ZC3H12B: variants seen among roughly 807,000 people sequenced by gnomAD.
The protein encoded by ZC3H12B is zinc finger CCCH-type containing 12B.
ZC3H12B carries 7 observed loss-of-function variants against 43.9 expected under a neutral mutation model. The ratio of observed to expected loss-of-function variants is 0.16; its 90% CI spans 0.09 to 0.30. ZC3H12B has a LOEUF of 0.30. Among genes scored for constraint, ZC3H12B ranks in the 10% least tolerant of loss-of-function variants. The pLI, the probability that ZC3H12B is intolerant of heterozygous loss-of-function variation, is 1.00. For missense variants in ZC3H12B, 475 were observed against 670.2 expected (o/e 0.71, Z 3.22); for synonymous variants, 222 against 241.7 (o/e 0.92, Z 0.76).
the ZC3H12B span, among the ~76,000 whole-genome samples, chrX:65,349,178 A>T: frequency 5.3e-5 from 6 of 112,154 alleles, no homozygotes; most frequent in African/African-American, 1.9e-4. Context: ...CTCAGACCAC[A>T]GTGCAGTCAA....
the ZC3H12B span, among the ~76,000 whole-genome samples, chrX:65,242,197 C>T: frequency 2.7e-5 from 3 of 110,863 alleles, no homozygotes; most frequent in Admixed American, 9.6e-5. Context: ...ACCTAGTCAC[C>T]AGGTCCAAAT....
chrX:65,113,985 G>GTATATATATATATATATA, the ZC3H12B span, among the ~76,000 whole-genome samples: 136 of 47,439 alleles, frequency 2.9e-3, 12 homozygotes, highest in South Asian at 8.4e-3. Flanking sequence ...AGATATGCTT[G>GTATATATATATATATATA]TATATATATA....
chrX:65,193,879 A>C, the ZC3H12B span, among the ~76,000 whole-genome samples: 1 of 111,551 alleles, frequency 9.0e-6, no homozygotes, highest in Admixed American at 9.6e-5. Context: ...AAGAAGTTTA[A>C]TTGGCTCATG....
chrX:65,192,166 T>C, the ZC3H12B span, among the ~76,000 whole-genome samples: 29 of 109,377 alleles, frequency 2.7e-4, no homozygotes, highest in South Asian at 0.011. Context: ...GTCTGAGAGA[T>C]AGTTTGTTAT....
At chrX:65,086,993 G>A in the ZC3H12B span, among the ~76,000 whole-genome samples, 2 of 110,132 alleles carry the variant, frequency 1.8e-5, no homozygotes, top group African/African-American at 6.6e-5. Context: ...CCCTGAGCAT[G>A]GATACCTCCC....
chrX:65,488,490 G>T (rs963179075), upstream of ZC3H12B, among the ~76,000 whole-genome samples: 6 of 110,047 alleles, frequency 5.5e-5, no homozygotes, highest in Non-Finnish European at 1.1e-4. Flanking sequence ...ATAGAATTAG[G>T]GACTCTTTAT....
chrX:65,171,959 G>A, the ZC3H12B span, among the ~76,000 whole-genome samples: 1 of 112,203 alleles, frequency 8.9e-6, no homozygotes, highest in Non-Finnish European at 1.9e-5. Context: ...TCTTGGCTAG[G>A]AAAGGGAATT....
At chrX:65,279,069 T>C in the ZC3H12B span, among the ~76,000 whole-genome samples, 1 of 111,158 alleles carries the variant, frequency 9.0e-6, no homozygotes, top group Non-Finnish European at 1.9e-5. Context: ...ATTGATTCCA[T>C]TCCTTTGGTA....
chrX:65,397,264 C>A (rs1426181372), intron 2 of ZC3H12B, among the ~76,000 whole-genome samples: 1 of 111,488 alleles, frequency 9.0e-6, no homozygotes, highest in Non-Finnish European at 1.9e-5. Flanking sequence ...TTATTTTGCA[C>A]ATTAGTTGAT....
At chrX:65,158,719 C>T in the ZC3H12B span, among the ~76,000 whole-genome samples, 11 of 111,428 alleles carry the variant, frequency 9.9e-5, no homozygotes, top group African/African-American at 3.6e-4. Flanking sequence ...CCATTTTATG[C>T]ATTGCCTGTT....
At chrX:65,214,140 G>C in the ZC3H12B span, among the ~76,000 whole-genome samples, 1 of 111,091 alleles carries the variant, frequency 9.0e-6, no homozygotes, top group African/African-American at 3.3e-5. Flanking sequence ...TACTGGTGGT[G>C]GGTCCATCCT....
chrX:65,339,706 G>T, the ZC3H12B span, among the ~76,000 whole-genome samples: 1 of 111,258 alleles, frequency 9.0e-6, no homozygotes, highest in East Asian at 2.9e-4. Flanking sequence ...CCCCAGCCTG[G>T]ATTTGCCTGT....
At chrX:65,117,503 C>T in the ZC3H12B span, among the ~76,000 whole-genome samples, 3 of 111,693 alleles carry the variant, frequency 2.7e-5, no homozygotes, top group Admixed American at 1.9e-4. Context: ...TTCTCCCATT[C>T]TGTAGGTTTC....
At chrX:65,314,431 C>T in the ZC3H12B span, among the ~76,000 whole-genome samples, 15 of 110,757 alleles carry the variant, frequency 1.4e-4, no homozygotes, top group Middle Eastern at 4.7e-3. Flanking sequence ...TTAAGTACAG[C>T]GGACAGTGAT....
At chrX:65,119,948 G>T in the ZC3H12B span, among the ~76,000 whole-genome samples, 46 of 111,769 alleles carry the variant, frequency 4.1e-4, no homozygotes, top group Non-Finnish European at 8.1e-4. Flanking sequence ...TCAAAGATCA[G>T]ATGGTTGTAG....
intron 3 of ZC3H12B, among the ~76,000 whole-genome samples, chrX:65,474,800 T>G (rs1255317764): frequency 9.0e-6 from 1 of 111,542 alleles, no homozygotes; most frequent in Non-Finnish European, 1.9e-5. Flanking sequence ...AGAGACAAGG[T>G]TTCACTATGT....
At chrX:65,335,910 G>A in the ZC3H12B span, among the ~76,000 whole-genome samples, 1 of 111,987 alleles carries the variant, frequency 8.9e-6, no homozygotes, top group African/African-American at 3.2e-5. Context: ...AGATGAGAAG[G>A]AAACTTCATC....
chrX:65,050,809 G>C, the ZC3H12B span, among the ~76,000 whole-genome samples: 4 of 111,486 alleles, frequency 3.6e-5, no homozygotes, highest in Admixed American at 3.8e-4. Flanking sequence ...TTAATATGCT[G>C]TTGAATTTGA....
chrX:65,061,107 A>G, the ZC3H12B span, among the ~76,000 whole-genome samples: 1 of 111,541 alleles, frequency 9.0e-6, no homozygotes, highest in Non-Finnish European at 1.9e-5. Flanking sequence ...TATCAGTTGT[A>G]ATGTATCCTT....
Sources: gnomAD v4.1 joint callset for allele counts (sites outside exome capture counted in the v4.1 genomes callset) on GRCh38, gnomAD v4.1.1 for gene constraint, MANE v1.5 for transcripts, NCBI Gene and HGNC (gene_info 2026-07-23, HGNC 2026-07-21) for gene names.